Variants in EEFSEC observed in about 807,000 individuals in gnomAD.
EEFSEC encodes eukaryotic elongation factor, selenocysteine-tRNA specific.
EEFSEC carries 43 observed loss-of-function variants against 42.1 expected under a neutral mutation model. The ratio of observed to expected loss-of-function variants is 1.02; its 90% CI spans 0.80 to 1.32. The LOEUF is 1.32. Among genes scored for constraint, EEFSEC ranks in the 40% most tolerant of loss-of-function variants. The probability of loss-of-function intolerance (pLI) is 0.00; values close to 1 mark genes in which losing one functional copy is unlikely to be tolerated. For synonymous variants in EEFSEC, 354 were observed against 339.1 expected, an observed-to-expected ratio of 1.04 and a Z score of -0.48; for missense variants, 745 against 803.6, an observed-to-expected ratio of 0.93 and a Z score of 0.88.
chr3:128,360,213 G>T (rs557799341), intron 6 of EEFSEC, among the ~76,000 whole-genome samples: 1 of 152,346 alleles, frequency 6.6e-6, no homozygotes, highest in South Asian at 2.1e-4. Context: ...GAGTCTTTGT[G>T]CATCGCTTCA....
intron 6 of EEFSEC, among the ~76,000 whole-genome samples, chr3:128,400,823 T>C (rs1302588019): frequency 6.6e-6 from 1 of 152,192 alleles, no homozygotes; most frequent in Non-Finnish European, 1.5e-5. Context: ...CATTCTTCCC[T>C]GATTACCCCA....
chr3:128,342,038 C>A, intron 5 of EEFSEC, 149 bp downstream of exon 5: 1 of 1,156,996 alleles, frequency 8.6e-7, no homozygotes, highest in Non-Finnish European at 1.2e-6. Context: ...GCATCTGATG[C>A]CCAGAATGGT....
rs1161408408 is a variant in EEFSEC, at chr3:128,198,717, G to T, written c.316+44894G>T. Among the ~76,000 whole-genome samples the T allele has an allele frequency of 2.6e-5, 4 of 152,290 alleles. No homozygotes were observed. The East Asian group carries it at 7.7e-4, about 29-fold the overall frequency. ...AGTGTTGCTGGCACCTTTCTGTGAA[G>T]AGCCACACAATGCAGAGGGAGGGAA... On this transcript the variant is annotated intron_variant, in intron 1 of 6. Coordinates refer to ENST00000254730, the MANE Select transcript of EEFSEC (RefSeq NM_021937.5).
intron 1 of EEFSEC, among the ~76,000 whole-genome samples, chr3:128,212,621 A>T (rs1172924048): frequency 6.6e-6 from 1 of 152,230 alleles, no homozygotes; most frequent in Non-Finnish European, 1.5e-5. Flanking sequence ...CCCTATGTCG[A>T]CATGGAGAAG....
At chr3:128,276,875 A>C (rs2811526) in intron 4 of EEFSEC, among the ~76,000 whole-genome samples, 127,832 of 152,222 alleles carry the variant, frequency 0.84, 54,157 homozygotes, top group East Asian at 0.99. Flanking sequence ...AGAGTGTGGG[A>C]ATGCTGGGCA....
At chr3:128,314,830 G>A (rs1206661475) in intron 4 of EEFSEC, among the ~76,000 whole-genome samples, 1 of 152,190 alleles carries the variant, frequency 6.6e-6, no homozygotes, top group Non-Finnish European at 1.5e-5. Flanking sequence ...GTCACCCCAG[G>A]TTGAGAACCA....
At chr3:128,291,914 G>A (rs570439262) in intron 4 of EEFSEC, among the ~76,000 whole-genome samples, 19 of 152,152 alleles carry the variant, frequency 1.2e-4, no homozygotes, top group South Asian at 4.2e-4. Context: ...TGTTAGCTGT[G>A]GATTTTTTGT....
chr3:128,409,454 G>A (rs970246526), downstream of EEFSEC, among the ~76,000 whole-genome samples: 4 of 152,060 alleles, frequency 2.6e-5, no homozygotes, highest in Non-Finnish European at 4.4e-5. Context: ...CAAAGCCCCC[G>A]AGCTGCAAGG....
intron 6 of EEFSEC, among the ~76,000 whole-genome samples, chr3:128,385,285 G>A (rs1048437665): frequency 3.3e-5 from 5 of 152,222 alleles, no homozygotes; most frequent in African/African-American, 9.7e-5. Flanking sequence ...GGCAGCGCAG[G>A]AGAGTAGCCC....
intron 6 of EEFSEC, among the ~76,000 whole-genome samples, chr3:128,359,280 T>C (rs899456304): frequency 4.6e-5 from 7 of 152,050 alleles, no homozygotes; most frequent in Admixed American, 4.6e-4. Context: ...TTGGCAAAAG[T>C]GTGCTGAGCA....
At chr3:128,420,728 G>A in the EEFSEC span, among the ~76,000 whole-genome samples, 4 of 152,176 alleles carry the variant, frequency 2.6e-5, no homozygotes, top group African/African-American at 9.6e-5. Flanking sequence ...AGAAGTGGGG[G>A]CCCCAATACT....
intron 1 of EEFSEC, among the ~76,000 whole-genome samples, chr3:128,190,728 A>G (rs537585640): frequency 2.0e-5 from 3 of 152,280 alleles, no homozygotes; most frequent in African/African-American, 7.2e-5. Context: ...CTCGCCCAGA[A>G]CACCTTCCAG....
At chr3:128,194,865 T>C (rs1209061099) in intron 1 of EEFSEC, among the ~76,000 whole-genome samples, 1 of 152,244 alleles carries the variant, frequency 6.6e-6, no homozygotes, top group Non-Finnish European at 1.5e-5. Context: ...GGCTAAGATC[T>C]AGGTGACTTT....
intron 1 of EEFSEC, among the ~76,000 whole-genome samples, chr3:128,154,773 C>G (rs1944343778): frequency 6.6e-6 from 1 of 152,184 alleles, no homozygotes. Context: ...CTGAACAAAT[C>G]TTTTAATGAT....
chr3:128,269,440 T>G (rs954105927), intron 4 of EEFSEC, among the ~76,000 whole-genome samples: 1 of 152,252 alleles, frequency 6.6e-6, no homozygotes. Context: ...CCTGCCCTCT[T>G]CCAGCCATGA....
At chr3:128,154,662 G>A (rs1309792047) in intron 1 of EEFSEC, among the ~76,000 whole-genome samples, 1 of 151,748 alleles carries the variant, frequency 6.6e-6, no homozygotes, top group Non-Finnish European at 1.5e-5. Context: ...TGTTGGTCAG[G>A]CTGGTCTCAA....
intron 6 of EEFSEC, among the ~76,000 whole-genome samples, chr3:128,400,498 A>G (rs974794265): frequency 5.3e-5 from 8 of 152,262 alleles, no homozygotes; most frequent in Admixed American, 4.6e-4. Flanking sequence ...GCTGACCCCA[A>G]AGAGATCCCC....
At chr3:128,295,778 A>C (rs1400292433) in intron 4 of EEFSEC, among the ~76,000 whole-genome samples, 2 of 151,676 alleles carry the variant, frequency 1.3e-5, no homozygotes, top group African/African-American at 4.8e-5. Context: ...TGCTCTCCTC[A>C]TTTATGTGAG....
chr3:128,243,212 G>T (rs528122358), intron 1 of EEFSEC, among the ~76,000 whole-genome samples: 1 of 152,334 alleles, frequency 6.6e-6, no homozygotes, highest in South Asian at 2.1e-4. Context: ...GTCCGCTCAA[G>T]AGCCTGGCCT....
Sources: gnomAD v4.1 joint callset for allele counts (sites outside exome capture counted in the v4.1 genomes callset) on GRCh38, gnomAD v4.1.1 for gene constraint, MANE v1.5 for transcripts, NCBI Gene and HGNC (gene_info 2026-07-23, HGNC 2026-07-21) for gene names.